CHRM3: variants seen among roughly 807,000 people sequenced by gnomAD.
CHRM3 encodes cholinergic receptor muscarinic 3, also known as muscarinic acetylcholine receptor M3.
In CHRM3, 11 loss-of-function variants were observed where a neutral mutation model predicts 41.8. The ratio of observed to expected loss-of-function variants is 0.26; its 90% CI spans 0.17 to 0.44. The LOEUF is 0.44. Ranked by LOEUF, CHRM3 falls within the 20% of genes least tolerant of loss-of-function variation. The pLI, the probability that CHRM3 is intolerant of heterozygous loss-of-function variation, is 1.00. For synonymous variants in CHRM3, 297 were observed against 301.4 expected, an observed-to-expected ratio of 0.99 and a Z score of 0.15; for missense variants, 571 against 745.4, an observed-to-expected ratio of 0.77 and a Z score of 2.72.
At chr1:239,887,929 C>T (rs1041359979) in intron 6 of CHRM3, among the ~76,000 whole-genome samples, 26 of 152,226 alleles carry the variant, frequency 1.7e-4, no homozygotes, top group African/African-American at 6.0e-4. Flanking sequence ...TTCCACAAAG[C>T]TTGTATCTGT....
chr1:239,668,592 T>G (rs891480895), intron 4 of CHRM3, among the ~76,000 whole-genome samples: 2 of 152,206 alleles, frequency 1.3e-5, no homozygotes, highest in African/African-American at 4.8e-5. Flanking sequence ...AAGAATTGTG[T>G]CTAAAGGAAA....
At chr1:239,750,094 T>A (rs2148568702) in intron 5 of CHRM3, among the ~76,000 whole-genome samples, 1 of 152,332 alleles carries the variant, frequency 6.6e-6, no homozygotes, top group Middle Eastern at 3.4e-3. Flanking sequence ...ACACCTTTTC[T>A]TACCACTCTC....
At chr1:239,407,734 T>G (rs945375617) in intron 1 of CHRM3, among the ~76,000 whole-genome samples, 1 of 152,142 alleles carries the variant, frequency 6.6e-6, no homozygotes, top group Non-Finnish European at 1.5e-5. Context: ...TTTGTTTCCA[T>G]TAATGTTATT....
intron 4 of CHRM3, among the ~76,000 whole-genome samples, chr1:239,659,713 T>C (rs192862373): frequency 6.6e-6 from 1 of 152,178 alleles, no homozygotes. Flanking sequence ...CCACAGAAAG[T>C]TATTTAAGTG....
At chr1:239,664,921 A>G (rs1165699905) in intron 4 of CHRM3, among the ~76,000 whole-genome samples, 3 of 151,768 alleles carry the variant, frequency 2.0e-5, no homozygotes, top group Non-Finnish European at 4.4e-5. Context: ...GTCCCTTCAA[A>G]CCAATGTTCT....
intron 5 of CHRM3, among the ~76,000 whole-genome samples, chr1:239,683,094 A>C (rs1173700475): frequency 2.6e-5 from 4 of 152,080 alleles, no homozygotes; most frequent in African/African-American, 9.7e-5. Flanking sequence ...CCCCCTTTTT[A>C]AGTGTTACTT....
rs189731016 is a variant in CHRM3, at chr1:239,483,005, G to A, written c.-520-9704G>A. ...GCTATTCGCTTCTGATTTCACAATC[G>A]AGTTTGTAAAAGACACTATTTGAAT... On this transcript the variant is annotated intron_variant, in intron 1 of 6. Coordinates refer to ENST00000676153, the MANE Select transcript of CHRM3 (RefSeq NM_001375978.1). 1.8e-4 allele frequency among the ~76,000 whole-genome samples: 28 copies of A among 152,252 alleles called. No homozygotes were observed. The East Asian group carries it at 3.7e-3, about 20-fold the overall frequency.
At chr1:239,882,769 G>A (rs941989458) in intron 6 of CHRM3, among the ~76,000 whole-genome samples, 9 of 152,204 alleles carry the variant, frequency 5.9e-5, no homozygotes, top group Non-Finnish European at 1.0e-4. Flanking sequence ...ACAAGGCCAC[G>A]TGACCTAGTG....
intron 3 of CHRM3, among the ~76,000 whole-genome samples, chr1:239,624,423 C>T (rs1572986272): frequency 3.2e-5 from 2 of 62,354 alleles, no homozygotes; most frequent in South Asian, 1.1e-3. Context: ...GAGTAGGTTG[C>T]GAAAATTTTC....
At chr1:239,555,568 G>T (rs1391486795) in intron 3 of CHRM3, among the ~76,000 whole-genome samples, 1 of 152,116 alleles carries the variant, frequency 6.6e-6, no homozygotes, top group Non-Finnish European at 1.5e-5. Flanking sequence ...CCGTTGCCAC[G>T]GCAATGGTTA....
intron 4 of CHRM3, among the ~76,000 whole-genome samples, chr1:239,676,968 A>G (rs2149082941): frequency 6.6e-6 from 1 of 152,282 alleles, no homozygotes; most frequent in African/African-American, 2.4e-5. Context: ...AGCTTTCAGA[A>G]CATGCCATTC....
chr1:239,402,665 A>ATAT (rs1660079369), intron 1 of CHRM3, among the ~76,000 whole-genome samples: 1 of 152,180 alleles, frequency 6.6e-6, no homozygotes, highest in African/African-American at 2.4e-5. Context: ...TGTCCTAAAA[A>ATAT]TATTAGGCCT....
intron 3 of CHRM3, among the ~76,000 whole-genome samples, chr1:239,553,887 G>C (rs1182608165): frequency 6.6e-6 from 1 of 152,136 alleles, no homozygotes; most frequent in African/African-American, 2.4e-5. Context: ...TTGAAGTAGT[G>C]GTTTCCACAT....
chr1:239,404,358 A>C (rs549113616), intron 1 of CHRM3, among the ~76,000 whole-genome samples: 2 of 47,182 alleles, frequency 4.2e-5, no homozygotes, highest in African/African-American at 7.9e-5. Flanking sequence ...AAGAGAAAGA[A>C]AGAAAGAAAG....
intron 5 of CHRM3, among the ~76,000 whole-genome samples, chr1:239,820,070 C>A (rs1671912247): frequency 6.6e-6 from 1 of 152,182 alleles, no homozygotes; most frequent in African/African-American, 2.4e-5. Flanking sequence ...TGTTTCCGAA[C>A]CCTCAAGCCC....
rs1680360273 is a variant in CHRM3 at position 239,911,372 on chromosome 1, A to G, written c.*2148A>G. 1 of 167,048 alleles carries G rather than the reference A, an allele frequency of 6.0e-6. No individual in the cohort carries two copies. Among genetic ancestry groups the G allele is most frequent in the African/African-American group, 2.4e-5 (1 of 41,440 alleles). The allele number at this position is 167,048 out of a possible 1,614,324, so 10.3% of individuals were successfully genotyped here. On this transcript the variant is annotated 3_prime_UTR_variant, in exon 7 of 7. Coordinates refer to ENST00000676153, the MANE Select transcript of CHRM3 (RefSeq NM_001375978.1). ...TGTACACAGCAAACTACAGAATGTC[A>G]TATTATCCACCTGTGAAACATCTAG...
intron 2 of CHRM3, among the ~76,000 whole-genome samples, chr1:239,510,469 G>A (rs1438057111): frequency 6.7e-6 from 1 of 149,764 alleles, no homozygotes; most frequent in African/African-American, 2.6e-5. Context: ...ACTAGCAGAT[G>A]GGGAGAACCT....
At chr1:239,841,674 A>C (rs1021205095) in intron 6 of CHRM3, among the ~76,000 whole-genome samples, 1 of 152,212 alleles carries the variant, frequency 6.6e-6, no homozygotes, top group African/African-American at 2.4e-5. Context: ...GACTAGACTT[A>C]CCTCATTTCC....
intron 5 of CHRM3, among the ~76,000 whole-genome samples, chr1:239,790,952 T>C (rs483411): frequency 0.35 from 53,544 of 151,572 alleles, 10,612 homozygotes; most frequent in East Asian, 0.57. Flanking sequence ...TAAAATTTAT[T>C]CACAGAAAAA....
Sources: gnomAD v4.1 joint callset for allele counts (sites outside exome capture counted in the v4.1 genomes callset) on GRCh38, gnomAD v4.1.1 for gene constraint, MANE v1.5 for transcripts, NCBI Gene and HGNC (gene_info 2026-07-23, HGNC 2026-07-21) for gene names.